The following JMJD1C variants were observed in gnomAD, a reference collection of about 807,000 sequenced individuals.
The protein encoded by JMJD1C is jumonji domain containing 1C, also known as jumonji domain-containing protein 1C.
Under a neutral mutation model 245.3 loss-of-function variants are expected in JMJD1C, and 31 were observed. The observed-to-expected ratio is 0.13, with a 90% CI of 0.09 to 0.17. JMJD1C has a LOEUF of 0.17. Among genes scored for constraint, JMJD1C ranks in the 10% least tolerant of loss-of-function variants. The pLI is 1.00. For missense variants in JMJD1C, 2,691 were observed against 3,000.2 expected (o/e 0.90, Z 2.41); for synonymous variants, 1,057 against 1,017.4 (o/e 1.04, Z -0.74).
At chr10:63,332,091 T>C (rs1350545693) in intron 2 of JMJD1C, among the ~76,000 whole-genome samples, 1 of 152,188 alleles carries the variant, frequency 6.6e-6, no homozygotes, top group Non-Finnish European at 1.5e-5. Context: ...AGCCAACATT[T>C]TTCTAATATT....
In JMJD1C at chr10:63,443,402, C is replaced by T. The variant is rs548470142; in HGVS notation, c.168+22093G>A. ...TCTTGGCTCACTGCAACCTCTTCTT[C>T]CTGAGTCAAGTGATTCTCCAGCCTC... is the stretch of plus-strand genomic sequence containing the variant. On this transcript the variant is annotated intron_variant, in intron 1 of 25. Coordinates refer to ENST00000399262, the MANE Select transcript of JMJD1C (RefSeq NM_032776.3). Among the ~76,000 whole-genome samples the T allele has an allele frequency of 9.8e-5, 15 of 152,326 alleles. No homozygotes were observed. In the East Asian group the frequency reaches 2.1e-3, roughly 22 times the overall value.
At chr10:63,472,177 A>G (rs1953510932) in intron 1 of JMJD1C, among the ~76,000 whole-genome samples, 1 of 151,934 alleles carries the variant, frequency 6.6e-6, no homozygotes, top group South Asian at 2.1e-4. Context: ...ATAATAGATA[A>G]AAATCCTATC....
chr10:63,462,597 T>C (rs1043911864), intron 1 of JMJD1C, among the ~76,000 whole-genome samples: 10 of 152,126 alleles, frequency 6.6e-5, no homozygotes, highest in African/African-American at 1.7e-4. Flanking sequence ...ACAGGGCACT[T>C]ACAAGTGTAA....
chr10:63,384,841 A>G (rs1174458595), intron 1 of JMJD1C, among the ~76,000 whole-genome samples: 1 of 152,182 alleles, frequency 6.6e-6, no homozygotes, highest in Non-Finnish European at 1.5e-5. Flanking sequence ...CCCTGTGTTT[A>G]CTGGAGTAGC....
At chr10:63,424,422 T>C (rs893445101) in intron 1 of JMJD1C, among the ~76,000 whole-genome samples, 5 of 151,874 alleles carry the variant, frequency 3.3e-5, no homozygotes, top group Admixed American at 2.0e-4. Context: ...CTATTGTTTA[T>C]ATGGAAAAAT....
intron 1 of JMJD1C, among the ~76,000 whole-genome samples, chr10:63,402,199 G>A (rs1162365978): frequency 6.6e-6 from 1 of 150,464 alleles, no homozygotes; most frequent in Non-Finnish European, 1.5e-5. Context: ...ACATACAAAG[G>A]GCTAAAAAAT....
intron 22 of JMJD1C, among the ~76,000 whole-genome samples, chr10:63,180,488 A>T (rs1843338727): frequency 6.6e-6 from 1 of 152,234 alleles, no homozygotes. Flanking sequence ...GAGACAGGTT[A>T]AGTCCTCCAA....
At chr10:63,357,606 T>A (rs969931457) in intron 2 of JMJD1C, among the ~76,000 whole-genome samples, 19 of 152,132 alleles carry the variant, frequency 1.2e-4, no homozygotes, top group Non-Finnish European at 1.5e-5. Context: ...AAGCCCGGCA[T>A]AAATGTGCTT....
intron 2 of JMJD1C, among the ~76,000 whole-genome samples, chr10:63,372,771 G>C (rs1428592702): frequency 6.6e-6 from 1 of 152,234 alleles, no homozygotes; most frequent in East Asian, 1.9e-4. Flanking sequence ...ATTAAGGGAA[G>C]ACAGACATGC....
At chr10:63,403,588 C>A (rs2132607903) in intron 1 of JMJD1C, among the ~76,000 whole-genome samples, 1 of 152,282 alleles carries the variant, frequency 6.6e-6, no homozygotes, top group Middle Eastern at 3.4e-3. Flanking sequence ...AACCAACAGA[C>A]CTTAAGTGCG....
At chr10:63,237,641 A>C (rs1171476083) in intron 3 of JMJD1C, among the ~76,000 whole-genome samples, 2 of 152,220 alleles carry the variant, frequency 1.3e-5, no homozygotes, top group African/African-American at 4.8e-5. Flanking sequence ...TTACAAATAC[A>C]GGTTGTATCC....
intron 1 of JMJD1C, among the ~76,000 whole-genome samples, chr10:63,484,591 T>C (rs1953935425): frequency 6.6e-6 from 1 of 151,998 alleles, no homozygotes; most frequent in African/African-American, 2.4e-5. Flanking sequence ...ACATAAGATC[T>C]TGATGATCAA....
At chr10:63,296,563 T>G (rs1859455712) in intron 2 of JMJD1C, among the ~76,000 whole-genome samples, 1 of 152,184 alleles carries the variant, frequency 6.6e-6, no homozygotes, top group Admixed American at 6.5e-5. Context: ...GATACTTGTT[T>G]ACAGTATGAA....
At chr10:63,486,531 C>T (rs1954007725) in intron 1 of JMJD1C, among the ~76,000 whole-genome samples, 1 of 152,042 alleles carries the variant, frequency 6.6e-6, no homozygotes, top group Non-Finnish European at 1.5e-5. Flanking sequence ...TTTATCTCTT[C>T]CTGTAACTTT....
Position 63,191,201 on chromosome 10 carries a change from G to A in JMJD1C, c.6077-93C>T, listed in dbSNP as rs191684112. On this transcript the variant is annotated intron_variant, in intron 16 of 25. Coordinates refer to ENST00000399262, the MANE Select transcript of JMJD1C (RefSeq NM_032776.3). The stretch of plus-strand genomic sequence containing the variant: ...GGCTGGAGTGCAGTGGCGTGACCTC[G>A]GCTCACTGCAACCTCTGCCTCCCAG... 58 of 897,504 alleles carry A rather than the reference G, an allele frequency of 6.5e-5. No homozygotes were observed. In the Admixed American group the frequency reaches 1.1e-3, roughly 17 times the overall value. The allele number at this position is 897,504 out of a possible 1,614,324, so 55.6% of individuals were successfully genotyped here. A position where few individuals can be genotyped will look rare whatever the true frequency, so the allele number is the denominator to read the frequency against.
At chr10:63,404,841 A>C (rs975039468) in intron 1 of JMJD1C, among the ~76,000 whole-genome samples, 1 of 152,212 alleles carries the variant, frequency 6.6e-6, no homozygotes, top group Admixed American at 6.5e-5. Flanking sequence ...TTTAACATTA[A>C]ATTTTAAAAT....
intron 2 of JMJD1C, among the ~76,000 whole-genome samples, chr10:63,288,136 C>A (rs1158639016): frequency 6.6e-6 from 1 of 152,120 alleles, no homozygotes; most frequent in Non-Finnish European, 1.5e-5. Context: ...AGAGGCAGAA[C>A]CCACAGACAC....
At chr10:63,337,646 G>A (rs554760182) in intron 2 of JMJD1C, among the ~76,000 whole-genome samples, 25 of 103,630 alleles carry the variant, frequency 2.4e-4, no homozygotes, top group African/African-American at 6.6e-4. Flanking sequence ...AAAAAAATCC[G>A]CTATTGTTCC....
At chr10:63,198,761 C>T (rs1845709071) in intron 11 of JMJD1C, 34 bp from the exon 12 acceptor site, 4 of 1,277,470 alleles carry the variant, frequency 3.1e-6, no homozygotes, top group African/African-American at 3.0e-5. Flanking sequence ...ATTAGGTACC[C>T]ACATATTAAA....
Sources: allele counts gnomAD v4.1 joint callset (sites outside exome capture counted in the v4.1 genomes callset), GRCh38; gene constraint gnomAD v4.1.1; transcripts MANE v1.5; gene names NCBI Gene and HGNC (gene_info 2026-07-23, HGNC 2026-07-21).